The following TAFA2 variants were observed in gnomAD, a reference collection of about 807,000 sequenced individuals.
TAFA2 encodes the protein chemokine-like protein TAFA-2.
A neutral mutation model predicts 18.8 loss-of-function variants in TAFA2; 7 were observed. That is an observed-to-expected ratio of 0.37 (90% confidence interval 0.21 to 0.70). The LOEUF is 0.70. TAFA2 is among the 30% of genes least tolerant of loss of function. The probability of loss-of-function intolerance (pLI) is 0.53; values close to 1 mark genes in which losing one functional copy is unlikely to be tolerated. For missense variants in TAFA2, 122 were observed against 158.1 expected (o/e 0.77, Z 1.23); for synonymous variants, 60 against 54.2 (o/e 1.11, Z -0.47).
intron 2 of TAFA2, among the ~76,000 whole-genome samples, chr12:61,852,551 C>A (rs1271148341): frequency 6.6e-6 from 1 of 152,162 alleles, no homozygotes; most frequent in Non-Finnish European, 1.5e-5. Context: ...TCCTGAGAAC[C>A]TGGAAAGGAA....
chr12:61,837,841 A>G (rs1376430386), intron 2 of TAFA2, among the ~76,000 whole-genome samples: 1 of 152,064 alleles, frequency 6.6e-6, no homozygotes, highest in African/African-American at 2.4e-5. Flanking sequence ...GCAAAGTGCT[A>G]CAAAAGCTTG....
At chr12:61,886,185 T>C (rs1205426406) in intron 1 of TAFA2, among the ~76,000 whole-genome samples, 2 of 152,208 alleles carry the variant, frequency 1.3e-5, no homozygotes, top group East Asian at 3.8e-4. Context: ...ATTAGGTTCA[T>C]ACCTAAAATT....
chr12:61,790,474 A>G (rs1020693862), intron 2 of TAFA2, among the ~76,000 whole-genome samples: 4 of 151,858 alleles, frequency 2.6e-5, no homozygotes, highest in African/African-American at 9.7e-5. Flanking sequence ...AATCCTAAAG[A>G]CTACACCAAA....
chr12:62,222,673 AT>A (rs767010579), intron 1 of TAFA2, among the ~76,000 whole-genome samples: 2,613 of 140,782 alleles, frequency 0.019, 49 homozygotes, highest in African/African-American at 0.051. Context: ...CGCCCAGCTA[AT>A]TTTTTTTTTT....
chr12:61,769,954 G>C (rs1254785673), intron 2 of TAFA2, among the ~76,000 whole-genome samples: 1 of 152,034 alleles, frequency 6.6e-6, no homozygotes, highest in East Asian at 1.9e-4. Flanking sequence ...GGAGGCACCA[G>C]AGAAAGGTGA....
intron 1 of TAFA2, among the ~76,000 whole-genome samples, chr12:61,936,585 C>CAAATAAAT (rs59196910): frequency 3.3e-5 from 5 of 150,936 alleles, no homozygotes; most frequent in South Asian, 2.1e-4. Context: ...CATAAAAATA[C>CAAATAAAT]AAATAAATAA....
At chr12:62,093,504 G>A (rs191080819) in intron 1 of TAFA2, among the ~76,000 whole-genome samples, 7 of 152,064 alleles carry the variant, frequency 4.6e-5, no homozygotes, top group Admixed American at 1.3e-4. Context: ...ATTTCAAACC[G>A]GTTACATATC....
At chr12:62,137,653 C>A (rs1870952244) in intron 1 of TAFA2, among the ~76,000 whole-genome samples, 1 of 152,044 alleles carries the variant, frequency 6.6e-6, no homozygotes, top group South Asian at 2.1e-4. Flanking sequence ...CCCCTCCCCA[C>A]CACCTCCACT....
chr12:61,929,201 A>G (rs1398581948), intron 1 of TAFA2, among the ~76,000 whole-genome samples: 7 of 151,628 alleles, frequency 4.6e-5, no homozygotes, highest in Non-Finnish European at 1.0e-4. Flanking sequence ...GCACAAGTGG[A>G]GGGATTGGTG....
chr12:62,034,124 TGG>T (rs143581403), intron 1 of TAFA2, among the ~76,000 whole-genome samples: 2,056 of 152,190 alleles, frequency 0.014, 42 homozygotes, highest in African/African-American at 0.045. Context: ...AACACGTAAA[TGG>T]ATATAATGGG....
chr12:62,045,764 C>A (rs1881892785), intron 1 of TAFA2, among the ~76,000 whole-genome samples: 1 of 151,948 alleles, frequency 6.6e-6, no homozygotes, highest in Non-Finnish European at 1.5e-5. Flanking sequence ...CTCTCCTTAC[C>A]AAAATCAATC....
At chr12:62,250,655 A>G (rs1002874264) in intron 1 of TAFA2, among the ~76,000 whole-genome samples, 2 of 152,106 alleles carry the variant, frequency 1.3e-5, no homozygotes, top group East Asian at 1.9e-4. Flanking sequence ...CCTATTAAAC[A>G]TGTTGGGTTT....
At chr12:61,725,200 T>G (rs545102750) in intron 4 of TAFA2, among the ~76,000 whole-genome samples, 1 of 152,114 alleles carries the variant, frequency 6.6e-6, no homozygotes, top group African/African-American at 2.4e-5. Flanking sequence ...GTTGGATGCA[T>G]AGTTTGCAAG....
At chr12:62,123,069 T>G (rs949600655) in intron 1 of TAFA2, among the ~76,000 whole-genome samples, 2 of 152,226 alleles carry the variant, frequency 1.3e-5, no homozygotes, top group Non-Finnish European at 2.9e-5. Context: ...ATTCACTTTA[T>G]GGACATTTTG....
chr12:62,024,137 A>G lies in TAFA2; in HGVS notation c.-1-156711T>C, dbSNP rs576643192. On this transcript the variant is annotated intron_variant, in intron 1 of 4. Coordinates refer to ENST00000416284, the MANE Select transcript of TAFA2 (RefSeq NM_178539.5). Reference sequence around the variant, plus strand: ...ATCAGGCAGATTTCTTTCCCCTCTCATCCCAACAAAATCTGGTATTCAGGA... The same window carrying G: ...ATCAGGCAGATTTCTTTCCCCTCTCGTCCCAACAAAATCTGGTATTCAGGA... Among the ~76,000 whole-genome samples, 5 of 152,216 alleles carry G rather than the reference A, an allele frequency of 3.3e-5. No homozygotes were observed. In the East Asian group the frequency reaches 9.7e-4, roughly 29 times the overall value.
At chr12:62,235,382 G>A (rs952019954) in intron 1 of TAFA2, 17 of 644,702 alleles carry the variant, frequency 2.6e-5, no homozygotes, top group East Asian at 1.3e-4. Context: ...TGTGCACTCC[G>A]GAGCTTCCAG....
intron 1 of TAFA2, among the ~76,000 whole-genome samples, chr12:62,165,522 G>T (rs1316540802): frequency 6.6e-6 from 1 of 151,960 alleles, no homozygotes; most frequent in African/African-American, 2.4e-5. Context: ...TTACTACCTA[G>T]ATGTTGTGAT....
chr12:62,238,638 C>T (rs2062848524), intron 1 of TAFA2, among the ~76,000 whole-genome samples: 1 of 152,160 alleles, frequency 6.6e-6, no homozygotes, highest in South Asian at 2.1e-4. Context: ...TTGAAACCTT[C>T]AATTTATAAA....
At chr12:61,841,925 G>A (rs1453692284) in intron 2 of TAFA2, among the ~76,000 whole-genome samples, 1 of 151,984 alleles carries the variant, frequency 6.6e-6, no homozygotes, top group African/African-American at 2.4e-5. Flanking sequence ...ATTCAAATTG[G>A]TCAAGAAAGA....
Sources: gnomAD v4.1 joint callset for allele counts (sites outside exome capture counted in the v4.1 genomes callset) on GRCh38, gnomAD v4.1.1 for gene constraint, MANE v1.5 for transcripts, NCBI Gene and HGNC (gene_info 2026-07-23, HGNC 2026-07-21) for gene names.